NTM: variants seen among roughly 807,000 people sequenced by gnomAD.
NTM encodes IgLON family member 2.
NTM carries 13 observed loss-of-function variants against 42.1 expected under a neutral mutation model. The observed-to-expected ratio is 0.31, with a 90% CI of 0.20 to 0.49. The LOEUF (loss-of-function observed/expected upper bound fraction) is 0.49. Among genes scored for constraint, NTM ranks in the 20% least tolerant of loss-of-function variants. The pLI is 0.99. For missense variants in NTM, 373 were observed against 452.8 expected (o/e 0.82, Z 1.60); for synonymous variants, 187 against 179.2 (o/e 1.04, Z -0.35).
intron 3 of NTM, among the ~76,000 whole-genome samples, chr11:132,163,817 T>C (rs1293982459): frequency 2.0e-5 from 3 of 152,254 alleles, no homozygotes; most frequent in Admixed American, 2.0e-4. Context: ...TGGGGTATTG[T>C]TAGGCAATAC....
chr11:131,585,240 C>G (rs921793502), intron 1 of NTM, among the ~76,000 whole-genome samples: 1 of 152,216 alleles, frequency 6.6e-6, no homozygotes, highest in Non-Finnish European at 1.5e-5. Context: ...TTCCCCCCTT[C>G]CTTTCCCTTT....
At chr11:131,928,577 T>C (rs1470822345) in intron 2 of NTM, among the ~76,000 whole-genome samples, 1 of 151,442 alleles carries the variant, frequency 6.6e-6, no homozygotes, top group Admixed American at 6.6e-5. Context: ...CTCCCGTCTG[T>C]GTTTTGTCCC....
intron 1 of NTM, among the ~76,000 whole-genome samples, chr11:131,694,011 C>T (rs1185000087): frequency 1.3e-5 from 2 of 152,178 alleles, no homozygotes; most frequent in African/African-American, 4.8e-5. Context: ...TCTGGGCTCT[C>T]ACACTATTCT....
intron 1 of NTM, among the ~76,000 whole-genome samples, chr11:131,373,946 C>T (rs1246158539): frequency 3.3e-5 from 5 of 152,186 alleles, no homozygotes; most frequent in African/African-American, 1.2e-4. Flanking sequence ...GCGGTGGGCG[C>T]CGTTCGGCTG....
chr11:131,853,849 A>T (rs1037771257), intron 1 of NTM, among the ~76,000 whole-genome samples: 1 of 152,156 alleles, frequency 6.6e-6, no homozygotes, highest in East Asian at 1.9e-4. Context: ...ACTACTCTAC[A>T]CTCCCACCAA....
chr11:131,390,585 T>G (rs1389667106), intron 1 of NTM, among the ~76,000 whole-genome samples: 1 of 152,014 alleles, frequency 6.6e-6, no homozygotes, highest in Non-Finnish European at 1.5e-5. Context: ...AGGATTGAGG[T>G]CGGGGTGGAG....
At chr11:132,282,678 T>A (rs1232236742) in intron 4 of NTM, among the ~76,000 whole-genome samples, 1 of 152,192 alleles carries the variant, frequency 6.6e-6, no homozygotes, top group South Asian at 2.1e-4. Flanking sequence ...GTTTTTCCTT[T>A]GTGTCAAGAG....
chr11:131,754,060 C>T (rs543465344), intron 1 of NTM, among the ~76,000 whole-genome samples: 155 of 140,582 alleles, frequency 1.1e-3, no homozygotes, highest in Admixed American at 1.8e-3. Context: ...CATGTTCTCA[C>T]TCATAGGTGG....
At chr11:131,847,693 C>T (rs997684545) in intron 1 of NTM, among the ~76,000 whole-genome samples, 4 of 151,946 alleles carry the variant, frequency 2.6e-5, no homozygotes, top group Admixed American at 2.0e-4. Context: ...CCTAGTCATG[C>T]CTCAGAGCTC....
At chr11:131,520,508 C>A (rs986741992) in intron 1 of NTM, among the ~76,000 whole-genome samples, 4 of 152,168 alleles carry the variant, frequency 2.6e-5, no homozygotes, top group Non-Finnish European at 5.9e-5. Flanking sequence ...GTCCAGCATA[C>A]TTCTGTGGTG....
At chr11:131,867,931 C>G (rs2047391320) in intron 1 of NTM, among the ~76,000 whole-genome samples, 1 of 152,118 alleles carries the variant, frequency 6.6e-6, no homozygotes, top group Non-Finnish European at 1.5e-5. Context: ...CTGGAGACCT[C>G]AGAAAGAATG....
At chr11:131,725,280 T>C (rs1880823) in intron 1 of NTM, among the ~76,000 whole-genome samples, 2,519 of 152,112 alleles carry the variant, frequency 0.017, 70 homozygotes, top group African/African-American at 0.058. Flanking sequence ...AATAGAAAAA[T>C]ATAAAATAAA....
intron 1 of NTM, among the ~76,000 whole-genome samples, chr11:131,568,138 T>C (rs1421665515): frequency 6.6e-6 from 1 of 152,194 alleles, no homozygotes; most frequent in Admixed American, 6.5e-5. Flanking sequence ...GTAAGTTCAA[T>C]TTGCCTAAAT....
chr11:131,886,548 C>T (rs539867906), intron 1 of NTM, among the ~76,000 whole-genome samples: 18 of 152,352 alleles, frequency 1.2e-4, no homozygotes, highest in South Asian at 6.2e-4. Flanking sequence ...GTCTGAGGCA[C>T]GCCTCTTGTG....
At chr11:132,161,347 T>C (rs1190298435) in intron 3 of NTM, among the ~76,000 whole-genome samples, 1 of 151,170 alleles carries the variant, frequency 6.6e-6, no homozygotes, top group Non-Finnish European at 1.5e-5. Flanking sequence ...TGGAGGCTGT[T>C]TCTCATTTGG....
At chr11:131,580,914 C>T (rs576630388) in intron 1 of NTM, among the ~76,000 whole-genome samples, 1 of 152,268 alleles carries the variant, frequency 6.6e-6, no homozygotes, top group South Asian at 2.1e-4. Flanking sequence ...AGTTCTCTCT[C>T]ATGGAAGTCA....
At chr11:131,573,058 A>G (rs1164154808) in intron 1 of NTM, among the ~76,000 whole-genome samples, 10 of 151,998 alleles carry the variant, frequency 6.6e-5, no homozygotes, top group Admixed American at 2.6e-4. Flanking sequence ...CTGACTCTGC[A>G]CTCCCTCCTC....
At chr11:131,591,273 G>A (rs1174391716) in intron 1 of NTM, among the ~76,000 whole-genome samples, 3 of 152,216 alleles carry the variant, frequency 2.0e-5, no homozygotes, top group Admixed American at 2.0e-4. Context: ...GGTCCCTGGG[G>A]AAAGGGGGGC....
intron 1 of NTM, among the ~76,000 whole-genome samples, chr11:131,856,001 C>T (rs1318386641): frequency 6.6e-6 from 1 of 152,142 alleles, no homozygotes; most frequent in Non-Finnish European, 1.5e-5. Flanking sequence ...GGTGAGTGTC[C>T]AATAAATGTT....
Sources: gnomAD v4.1 joint callset for allele counts (sites outside exome capture counted in the v4.1 genomes callset) on GRCh38, gnomAD v4.1.1 for gene constraint, MANE v1.5 for transcripts, NCBI Gene and HGNC (gene_info 2026-07-23, HGNC 2026-07-21) for gene names.